The following NDNF variants were observed in gnomAD, a reference collection of about 807,000 sequenced individuals.
NDNF encodes protein NDNF.
NDNF carries 16 observed loss-of-function variants against 42.0 expected under a neutral mutation model. The observed-to-expected ratio is 0.38, with a 90% CI of 0.26 to 0.58. NDNF has a LOEUF of 0.58. Among genes scored for constraint, NDNF ranks in the 20% least tolerant of loss-of-function variants. NDNF has a pLI of 0.67. For synonymous variants in NDNF, 248 were observed against 251.7 expected, an observed-to-expected ratio of 0.99 and a Z score of 0.14; for missense variants, 616 against 666.2, an observed-to-expected ratio of 0.92 and a Z score of 0.83.
chr4:121,061,767 G>T (rs888254495), intron 1 of NDNF, among the ~76,000 whole-genome samples: 1 of 151,926 alleles, frequency 6.6e-6, no homozygotes, highest in African/African-American at 2.4e-5. Flanking sequence ...CAGTTTAAAG[G>T]CTGCCAAAGC....
At chr4:121,070,230 TG>T (rs200373556) in intron 1 of NDNF, among the ~76,000 whole-genome samples, 1 of 77,482 alleles carries the variant, frequency 1.3e-5, no homozygotes, top group Non-Finnish European at 4.4e-5. Context: ...CAAACAATAA[TG>T]AATAATCATA....
At chr4:121,046,848 G>A (rs1237513855) in intron 1 of NDNF, among the ~76,000 whole-genome samples, 1 of 152,150 alleles carries the variant, frequency 6.6e-6, no homozygotes, top group Admixed American at 6.5e-5. Flanking sequence ...CCCCAGGTAG[G>A]CAAGTTCCTT....
chr4:121,050,732 T>G (rs1347854670), intron 1 of NDNF, among the ~76,000 whole-genome samples: 1 of 152,146 alleles, frequency 6.6e-6, no homozygotes, highest in Non-Finnish European at 1.5e-5. Flanking sequence ...ATTCTGCTAT[T>G]TTTGTGTTGT....
At chr4:121,067,130 G>A (rs75021412) in intron 1 of NDNF, among the ~76,000 whole-genome samples, 136 of 152,292 alleles carry the variant, frequency 8.9e-4, no homozygotes, top group South Asian at 2.1e-3. Flanking sequence ...TCCCAATCAC[G>A]CGTAATCATA....
intron 1 of NDNF, chr4:121,071,773 A>AAC (rs2148774894): frequency 6.6e-6 from 1 of 151,578 alleles, no homozygotes; most frequent in East Asian, 2.0e-4. Context: ...CAACAATAAA[A>AAC]AAAAAAAAAC....
At position 121,072,296 on chromosome 4, in the gene NDNF, C is replaced by G. The variant is rs1579327274; in HGVS notation, c.-305G>C. On this transcript the variant is annotated 5_prime_UTR_variant, in exon 1 of 4. Coordinates refer to ENST00000379692, the MANE Select transcript of NDNF (RefSeq NM_024574.4). The stretch of plus-strand genomic sequence containing the variant: ...GGGGCTGGGGAATCCCGGGGCAGCG[C>G]CGAGAAGCGGCGGGAGGTCCTTTTA... The G allele has an allele frequency of 6.6e-6, 1 of 151,800 alleles. No homozygotes were observed. Among genetic ancestry groups the G allele is most frequent in the South Asian group, 2.1e-4 (1 of 4,786 alleles). The allele number at this position is 151,800 out of a possible 1,614,324, so 9.4% of individuals were successfully genotyped here.
intron 1 of NDNF, among the ~76,000 whole-genome samples, chr4:121,067,904 G>A (rs1267205252): frequency 6.6e-6 from 1 of 152,316 alleles, no homozygotes; most frequent in African/African-American, 2.4e-5. Flanking sequence ...TTTGGGTTGT[G>A]TGTTTAGGAA....
chr4:121,043,581 CTT>C (rs1015259176), intron 2 of NDNF, among the ~76,000 whole-genome samples: 11 of 152,206 alleles, frequency 7.2e-5, no homozygotes, highest in Admixed American at 3.9e-4. Context: ...TATAATGTCT[CTT>C]AATAAAAACA....
chr4:121,065,393 A>G (rs1314635851), intron 1 of NDNF, among the ~76,000 whole-genome samples: 1 of 151,736 alleles, frequency 6.6e-6, no homozygotes, highest in African/African-American at 2.4e-5. Flanking sequence ...CACTAACAGA[A>G]GCTGAATATC....
chr4:121,043,312 T>C (rs754079452), intron 2 of NDNF, among the ~76,000 whole-genome samples: 19 of 152,200 alleles, frequency 1.2e-4, no homozygotes, highest in Non-Finnish European at 2.5e-4. Context: ...AATTTACTGC[T>C]GTGCAACTTT....
chr4:121,036,586 C>T lies in NDNF; in HGVS notation c.1385G>A (p.Cys462Tyr), dbSNP rs768030210. The T allele has an allele frequency of 6.2e-7, 1 of 1,614,106 alleles. No individual in the cohort carries two copies. The highest frequency in any genetic ancestry group is 8.5e-7 in the Non-Finnish European group (1 of 1,180,000). The change falls in exon 4 of 4, where the codon TGT becomes TAT. Residue 462 changes from cysteine to tyrosine, a missense_variant. Cys to Tyr is a radical substitution (Grantham distance 194). Coordinates refer to ENST00000379692, the MANE Select transcript of NDNF (RefSeq NM_024574.4). ...RIKAFDKLRT[C>Y]SSATVAWLGT... ...TAGCCAAGCCACGGTGGCTGAGGAA[C>T]AGGTACGGAGCTTGTCAAAGGCTTT...
Position 121,039,190 on chromosome 4 carries a change from GTGTATATA to G in NDNF, c.313+732_313+739del, listed in dbSNP as rs1292369208. Among the ~76,000 whole-genome samples, 348 of 67,930 alleles carry G rather than the reference GTGTATATA, an allele frequency of 5.1e-3. 7 individuals are homozygous for G. The highest frequency in any genetic ancestry group is 0.017 in the African/African-American group (218 of 12,802). The allele number at this position is 67,930 out of a possible 152,430, so 44.6% of individuals were successfully genotyped here. A position where few individuals can be genotyped will look rare whatever the true frequency, so the allele number is the denominator to read the frequency against. Reference sequence around the variant, plus strand: ...ATATATAAAGACTATGTGTGTGTGTGTGTATATATATATATATATATATATATATATAT... The same window carrying G: ...ATATATAAAGACTATGTGTGTGTGTGTATATATATATATATATATATATAT... On this transcript the variant is annotated intron_variant, in intron 3 of 3. Transcript: ENST00000379692.
intron 1 of NDNF, among the ~76,000 whole-genome samples, chr4:121,058,800 A>C (rs1337238696): frequency 1.3e-5 from 2 of 151,970 alleles, no homozygotes; most frequent in Admixed American, 1.3e-4. Context: ...TCTCATACCC[A>C]TTTCCAATAT....
At chr4:121,040,997 TA>T (rs1458323672) in intron 2 of NDNF, among the ~76,000 whole-genome samples, 1 of 152,176 alleles carries the variant, frequency 6.6e-6, no homozygotes, top group East Asian at 1.9e-4. Context: ...AGAAATACTT[TA>T]AAAAGTAAAG....
intron 1 of NDNF, among the ~76,000 whole-genome samples, chr4:121,049,686 T>C (rs1158698945): frequency 1.3e-5 from 2 of 152,304 alleles, no homozygotes; most frequent in South Asian, 2.1e-4. Flanking sequence ...CCTACTTTAT[T>C]GGCTCAGGTA....
At position 121,039,168 on chromosome 4, in the gene NDNF, T is replaced by C. The variant is rs1191813938; in HGVS notation, c.313+762A>G. Among the ~76,000 whole-genome samples, 36 of 44,300 alleles carry C rather than the reference T, an allele frequency of 8.1e-4. 1 individual carries two copies. The highest frequency in any genetic ancestry group is 8.1e-4 in the Admixed American group (2 of 2,476). The allele number at this position is 44,300 out of a possible 152,430, so 29.1% of individuals were successfully genotyped here. A position where few individuals can be genotyped will look rare whatever the true frequency, so the allele number is the denominator to read the frequency against. On this transcript the variant is annotated intron_variant, in intron 3 of 3. Coordinates refer to ENST00000379692, the MANE Select transcript of NDNF (RefSeq NM_024574.4). ...GTGTATATATATATGTATATATATATATAAAGACTATGTGTGTGTGTGTGT... is the reference window on the plus strand; with the variant it reads ...GTGTATATATATATGTATATATATACATAAAGACTATGTGTGTGTGTGTGT...
At chr4:121,062,772 T>C (rs1397619831) in intron 1 of NDNF, among the ~76,000 whole-genome samples, 1 of 152,134 alleles carries the variant, frequency 6.6e-6, no homozygotes, top group Non-Finnish European at 1.5e-5. Context: ...CTGGTGAGTG[T>C]CGCGGTCAAC....
intron 1 of NDNF, among the ~76,000 whole-genome samples, chr4:121,065,456 A>G (rs1268747626): frequency 6.6e-6 from 1 of 152,074 alleles, no homozygotes; most frequent in African/African-American, 2.4e-5. Context: ...TTAAAAGAGT[A>G]TCTTGTATCC....
intron 1 of NDNF, among the ~76,000 whole-genome samples, chr4:121,066,310 G>T (rs1208496719): frequency 6.6e-6 from 1 of 152,140 alleles, no homozygotes; most frequent in African/African-American, 2.4e-5. Flanking sequence ...TGGTGTTTCT[G>T]ATCTGTCCCA....
Sources: allele counts gnomAD v4.1 joint callset (sites outside exome capture counted in the v4.1 genomes callset), GRCh38; gene constraint gnomAD v4.1.1; transcripts MANE v1.5; gene names NCBI Gene and HGNC (gene_info 2026-07-23, HGNC 2026-07-21).